The following UBA6 variants were observed in gnomAD, a reference collection of about 807,000 sequenced individuals.
The protein encoded by UBA6 is ubiquitin-like modifier-activating enzyme 6.
Under a neutral mutation model 148.3 loss-of-function variants are expected in UBA6, and 87 were observed. The observed-to-expected ratio is 0.59, with a 90% confidence interval of 0.49 to 0.70. The LOEUF (loss-of-function observed/expected upper bound fraction) is 0.70. Ranked by LOEUF, UBA6 falls within the 30% of genes least tolerant of loss-of-function variation. The pLI, the probability that UBA6 is intolerant of heterozygous loss-of-function variation, is 0.00. For synonymous variants in UBA6, 376 were observed against 401.0 expected, an observed-to-expected ratio of 0.94 and a Z score of 0.75; for missense variants, 1,186 against 1,241.2, an observed-to-expected ratio of 0.96 and a Z score of 0.67.
Position 67,639,025 on chromosome 4 carries a change from T to C in UBA6, c.1654A>G (p.Ile552Val). ...LNKVCPTTET[I>V]YNDEFYTKQD... The stretch of plus-strand genomic sequence containing the variant: ...TTAGTATAGAACTCATCATTGTAAA[T>C]GGTCTCAGTGGTTGGACATACTTTG... Residue 552 changes from isoleucine to valine, a missense_variant, in exon 19 of 33, where the codon ATT becomes GTT. Transcript: ENST00000322244. 1.2e-6 allele frequency: 2 copies of C among 1,612,672 alleles called. No individual in the cohort carries two copies. The highest frequency in any genetic ancestry group is 1.7e-6 in the Non-Finnish European group (2 of 1,178,832).
At position 67,631,752 on chromosome 4, in the gene UBA6, T is replaced by G. The variant is rs1729002576; in HGVS notation, c.2214A>C (p.Pro738=). ...ATTTTATTGGAGAGGGTGGCCTCTT[T>G]GGTGACTGCCAAAATAAACCTGGCA... The part of the protein sequence containing the change: ...LKDGSLFWQS[P]KRPPSPIKFD... The change falls in exon 25 of 33, where the codon CCA becomes CCC. Residue 738 remains proline (P), a synonymous_variant. Transcript: ENST00000322244. The G allele has an allele frequency of 1.2e-6, 2 of 1,611,602 alleles. No individual in the cohort carries two copies. Among genetic ancestry groups the G allele is most frequent in the South Asian group, 2.2e-5 (2 of 90,802 alleles).
chr4:67,623,535 CCA>C (rs990884068), intron 30 of UBA6, among the ~76,000 whole-genome samples: 12 of 152,156 alleles, frequency 7.9e-5, no homozygotes, highest in Admixed American at 7.2e-4. Context: ...TTCCAGTACC[CCA>C]TTACTGGACA....
At position 67,625,063 on chromosome 4, in the gene UBA6, G is replaced by C. The variant is rs1168006812; in HGVS notation, c.2643C>G (p.Phe881Leu). Reference protein sequence around the residue: ...KMYSIEPADRFKTKRIAGKII... With the variant: ...KMYSIEPADRLKTKRIAGKII... ...TTTTACCAGCTATGCGCTTTGTTTT[G>C]AAACGGTCAGCTGGTTCAATGCTGT... is the stretch of plus-strand genomic sequence containing the variant. Residue 881 changes from phenylalanine to leucine, a missense_variant, in exon 29 of 33, where the codon TTC becomes TTG. Coordinates refer to ENST00000322244, the MANE Select transcript of UBA6 (RefSeq NM_018227.6). 15 of 1,613,158 alleles carry C rather than the reference G, an allele frequency of 9.3e-6. No homozygotes were observed. The highest frequency in any genetic ancestry group is 1.3e-5 in the African/African-American group (1 of 74,886).
chr4:67,659,441 C>T (rs922867439), intron 13 of UBA6, among the ~76,000 whole-genome samples: 11 of 151,962 alleles, frequency 7.2e-5, no homozygotes, highest in Non-Finnish European at 1.2e-4. Flanking sequence ...GTTTTATAAG[C>T]GTCTGGTAGA....
chr4:67,689,411 G>A (rs1265089597), intron 2 of UBA6, among the ~76,000 whole-genome samples: 1 of 152,072 alleles, frequency 6.6e-6, no homozygotes, highest in Non-Finnish European at 1.5e-5. Context: ...TAAGATGCCA[G>A]AAAGTTACAC....
At chr4:67,663,500 C>A in intron 11 of UBA6, 1 of 351,964 alleles carries the variant, frequency 2.8e-6, no homozygotes, top group Admixed American at 4.3e-5. Flanking sequence ...AAATTACATC[C>A]ATTTTAAAAA....
intron 19 of UBA6, among the ~76,000 whole-genome samples, chr4:67,636,665 A>G (rs1243065614): frequency 6.6e-6 from 1 of 152,228 alleles, no homozygotes; most frequent in Non-Finnish European, 1.5e-5. Flanking sequence ...AAGTGCTGGG[A>G]TTGCAGACAG....
chr4:67,687,054 G>A (rs1374172778), intron 2 of UBA6, among the ~76,000 whole-genome samples: 2 of 27,666 alleles, frequency 7.2e-5, no homozygotes, highest in African/African-American at 2.9e-4. Context: ...TTTTTTTTTT[G>A]AGACAGAGTC....
Position 67,633,415 on chromosome 4 carries a change from C to T in UBA6, c.2072G>A (p.Arg691Lys). The T allele has an allele frequency of 6.2e-7, 1 of 1,610,824 alleles. No homozygotes were observed. Among genetic ancestry groups the T allele is most frequent in the East Asian group, 2.2e-5 (1 of 44,690 alleles). Reference sequence around the variant, plus strand: ...ACACTGGGACCAATTTCTAGGTCTTCTGCTAAGTAACTTTATAACTTGAAA... The same window carrying T: ...ACACTGGGACCAATTTCTAGGTCTTTTGCTAAGTAACTTTATAACTTGAAA... ...GCFQVIKLLS[R>K]RPRNWSQCVE... is the part of the protein sequence containing the mutation. The change falls in exon 23 of 33, where the codon AGA becomes AAA. Residue 691 changes from arginine to lysine, a missense_variant. By Grantham distance (26) the Arg-to-Lys change is conservative. Coordinates refer to ENST00000322244, the MANE Select transcript of UBA6 (RefSeq NM_018227.6).
At position 67,665,184 on chromosome 4, in the gene UBA6, C is replaced by A; in HGVS notation, c.897+5G>T. On this transcript the variant is annotated splice_donor_5th_base_variant and intron_variant, in intron 10 of 32. Transcript: ENST00000322244. ...TGTTTTTTAAGCCGAAAAAAAAATA[C>A]TTACAAAAAAAACTGTTTTAGGAGT... The A allele has an allele frequency of 6.5e-7, 1 of 1,529,502 alleles. No individual in the cohort carries two copies. The highest frequency in any genetic ancestry group is 8.8e-7 in the Non-Finnish European group (1 of 1,137,856). 94.7% of individuals were successfully genotyped at this position (1,529,502 alleles called of 1,614,324 possible).
At position 67,614,049 on chromosome 4, in the gene UBA6, C is replaced by T. The variant is rs1442781509; in HGVS notation, c.*4948G>A. The T allele has an allele frequency of 1.3e-5, 2 of 152,066 alleles. No individual in the cohort carries two copies. Among genetic ancestry groups the T allele is most frequent in the African/African-American group, 4.8e-5 (2 of 41,400 alleles). The allele number at this position is 152,066 out of a possible 1,614,324, so 9.4% of individuals were successfully genotyped here. A position where few individuals can be genotyped will look rare whatever the true frequency, so the allele number is the denominator to read the frequency against. The stretch of plus-strand genomic sequence containing the variant: ...ATCCTTTTAGGTCCAATAAGAAACA[C>T]TTTACAACCTGCTCTCTTTGAAGTC... On this transcript the variant is annotated 3_prime_UTR_variant, in exon 33 of 33. Coordinates refer to ENST00000322244, the MANE Select transcript of UBA6 (RefSeq NM_018227.6).
At chr4:67,650,618 G>A (rs903532617) in intron 13 of UBA6, among the ~76,000 whole-genome samples, 8 of 152,124 alleles carry the variant, frequency 5.3e-5, no homozygotes, top group African/African-American at 1.9e-4. Flanking sequence ...CTTGTAAGTA[G>A]AAAGACAGAT....
chr4:67,631,905 G>C lies in UBA6; in HGVS notation c.2146C>G (p.Leu716Val), dbSNP rs1160930388. 5 of 1,609,434 alleles carry C rather than the reference G, an allele frequency of 3.1e-6. No homozygotes were observed. Among genetic ancestry groups the C allele is most frequent in the South Asian group, 1.1e-5 (1 of 90,036 alleles). Reference protein sequence around the residue: ...KFEKYFNHKALQLLHCFPLDI... With the variant: ...KFEKYFNHKAVQLLHCFPLDI... ...AGAGGGAAACAGTGAAGAAGCTGAA[G>C]AGCCTAAAGAAAAAAAATGAATTAA... is the stretch of plus-strand genomic sequence containing the variant. The change falls in exon 24 of 33, where the codon CTT becomes GTT. Residue 716 changes from leucine (L) to valine (V), a missense_variant. Physicochemically the swap from Leu to Val is conservative, Grantham distance 32 (BLOSUM62 1). Coordinates refer to ENST00000322244, the MANE Select transcript of UBA6 (RefSeq NM_018227.6).
At chr4:67,620,514 C>T (rs1363187791) in intron 32 of UBA6, among the ~76,000 whole-genome samples, 1 of 151,996 alleles carries the variant, frequency 6.6e-6, no homozygotes, top group Non-Finnish European at 1.5e-5. Context: ...GCAGAGGAAA[C>T]AACTAAAGCA....
chr4:67,685,851 G>A (rs190493321), intron 2 of UBA6, among the ~76,000 whole-genome samples: 1 of 152,052 alleles, frequency 6.6e-6, no homozygotes, highest in Non-Finnish European at 1.5e-5. Flanking sequence ...CACCAGATAT[G>A]ACCCCTTGAT....
chr4:67,646,835 A>G, intron 14 of UBA6, 44 bp from the exon 15 acceptor site: 1 of 1,289,142 alleles, frequency 7.8e-7, no homozygotes, highest in Non-Finnish European at 1.1e-6. Flanking sequence ...GTATAAAACA[A>G]ATTACTATAA....
intron 13 of UBA6, among the ~76,000 whole-genome samples, chr4:67,660,895 G>A (rs1729834325): frequency 6.6e-6 from 1 of 152,240 alleles, no homozygotes; most frequent in African/African-American, 2.4e-5. Context: ...CCCACCTCTT[G>A]CATCAGCGTG....
In UBA6 at chr4:67,626,490, G is replaced by T. The variant is rs772209255; in HGVS notation, c.2401-13C>A. ...CTGTTTGAACAACCTTTGAATATAT[G>T]AATATATTTTTATTAATGTTATCAT... On this transcript the variant is annotated splice_polypyrimidine_tract_variant and intron_variant, in intron 27 of 32. Transcript: ENST00000322244. The T allele has an allele frequency of 4.8e-6, 7 of 1,459,802 alleles. No homozygotes were observed. Among genetic ancestry groups the T allele is most frequent in the South Asian group, 1.2e-5 (1 of 81,888 alleles). The allele number at this position is 1,459,802 out of a possible 1,614,324, so 90.4% of individuals were successfully genotyped here. A position where few individuals can be genotyped will look rare whatever the true frequency, so the allele number is the denominator to read the frequency against.
At chr4:67,681,404 C>A (rs1730434029) in intron 4 of UBA6, among the ~76,000 whole-genome samples, 159 bp downstream of exon 4, 1 of 151,510 alleles carries the variant, frequency 6.6e-6, no homozygotes, top group Non-Finnish European at 1.5e-5. Flanking sequence ...TTTTGTTACA[C>A]AATTCTTTCT....
Sources: allele counts gnomAD v4.1 joint callset (sites outside exome capture counted in the v4.1 genomes callset), GRCh38; gene constraint gnomAD v4.1.1; transcripts MANE v1.5; gene names NCBI Gene and HGNC (gene_info 2026-07-23, HGNC 2026-07-21).